The following RGS7BP variants were observed in gnomAD, a reference collection of about 807,000 sequenced individuals.
RGS7BP encodes regulator of G protein signaling 7 binding protein, also known as regulator of G protein signaling 7-binding protein.
A neutral mutation model predicts 31.3 loss-of-function variants in RGS7BP; 9 were observed. The ratio of observed to expected loss-of-function variants is 0.29; its 90% CI spans 0.17 to 0.50. The LOEUF is 0.50. Among genes scored for constraint, RGS7BP ranks in the 20% least tolerant of loss-of-function variants. The pLI, the probability that RGS7BP is intolerant of heterozygous loss-of-function variation, is 0.98. For missense variants in RGS7BP, 274 were observed against 322.0 expected (o/e 0.85, Z 1.14); for synonymous variants, 115 against 120.1 (o/e 0.96, Z 0.28).
intron 5 of RGS7BP, among the ~76,000 whole-genome samples, chr5:64,602,369 G>A (rs1416642910): frequency 6.6e-6 from 1 of 152,214 alleles, no homozygotes; most frequent in African/African-American, 2.4e-5. Context: ...AAGATTCAGT[G>A]TGACGTATGT....
At chr5:64,587,991 A>AGAATT (rs1742803867) in intron 3 of RGS7BP, among the ~76,000 whole-genome samples, 1 of 152,246 alleles carries the variant, frequency 6.6e-6, no homozygotes, top group Admixed American at 6.5e-5. Context: ...ATTTTTAAGG[A>AGAATT]AAACAAACAC....
intron 4 of RGS7BP, among the ~76,000 whole-genome samples, chr5:64,598,079 T>C (rs376164190): frequency 6.6e-6 from 1 of 152,172 alleles, no homozygotes; most frequent in East Asian, 1.9e-4. Context: ...CAATGGCTCT[T>C]CTCTGATCTC....
Position 64,523,075 on chromosome 5 carries a change from G to T in RGS7BP, c.332+15198G>T, listed in dbSNP as rs184690775. Among the ~76,000 whole-genome samples, 45 of 152,296 alleles carry T rather than the reference G, an allele frequency of 3.0e-4. No homozygotes were observed. In the South Asian group the frequency reaches 3.1e-3, roughly 11 times the overall value. On this transcript the variant is annotated intron_variant, in intron 2 of 5. Transcript: ENST00000334025. ...CTATGCTGACTAAGGAGTGGGTACTGCCAGGAGATAAAGGAATGTAGTTGA... is the reference window on the plus strand; with the variant it reads ...CTATGCTGACTAAGGAGTGGGTACTTCCAGGAGATAAAGGAATGTAGTTGA...
intron 2 of RGS7BP, among the ~76,000 whole-genome samples, chr5:64,521,459 G>T (rs1162622305): frequency 6.6e-6 from 1 of 152,056 alleles, no homozygotes; most frequent in African/African-American, 2.4e-5. Context: ...GTTTCACCAT[G>T]TTGGCCAGGC....
At chr5:64,556,417 CCACACACACACACACA>C (rs10624566) in intron 2 of RGS7BP, among the ~76,000 whole-genome samples, 45 of 125,430 alleles carry the variant, frequency 3.6e-4, no homozygotes, top group African/African-American at 9.0e-4. Flanking sequence ...TCTTCCCCAG[CCACACACACACACACA>C]CACACACACA....
intron 2 of RGS7BP, among the ~76,000 whole-genome samples, chr5:64,563,539 CT>C (rs1295877788): frequency 6.6e-6 from 1 of 152,014 alleles, no homozygotes; most frequent in Non-Finnish European, 1.5e-5. Flanking sequence ...TAGGATGATG[CT>C]TTTATAAGCC....
intron 2 of RGS7BP, among the ~76,000 whole-genome samples, chr5:64,554,277 A>G (rs889515100): frequency 2.0e-5 from 3 of 152,142 alleles, no homozygotes; most frequent in Non-Finnish European, 4.4e-5. Context: ...GGCCTGCACT[A>G]TACAACTGTT....
chr5:64,553,937 C>T (rs1741858612), intron 2 of RGS7BP, among the ~76,000 whole-genome samples: 1 of 152,112 alleles, frequency 6.6e-6, no homozygotes, highest in Non-Finnish European at 1.5e-5. Flanking sequence ...ACTATGGCTT[C>T]CCTGAGGGAG....
intron 4 of RGS7BP, 72 bp from the exon 5 acceptor site, chr5:64,598,293 T>C (rs1468762924): frequency 7.0e-6 from 6 of 861,792 alleles, no homozygotes; most frequent in Admixed American, 1.7e-5. Context: ...AGTTGTCTCA[T>C]ATAACAGATT....
At chr5:64,583,718 C>T (rs1317303363) in intron 3 of RGS7BP, among the ~76,000 whole-genome samples, 5 of 152,082 alleles carry the variant, frequency 3.3e-5, no homozygotes, top group African/African-American at 4.8e-5. Context: ...CATGAACATT[C>T]GTATTACCAA....
At chr5:64,581,311 T>C (rs953305232) in intron 3 of RGS7BP, among the ~76,000 whole-genome samples, 1 of 152,236 alleles carries the variant, frequency 6.6e-6, no homozygotes, top group Admixed American at 6.5e-5. Flanking sequence ...TCCCCTCTTC[T>C]TCAGCTTTGC....
chr5:64,602,832 T>C (rs544699202), intron 5 of RGS7BP, among the ~76,000 whole-genome samples: 5 of 152,356 alleles, frequency 3.3e-5, no homozygotes, highest in African/African-American at 1.2e-4. Flanking sequence ...GCCTAGGCTT[T>C]AATTGAAAAT....
chr5:64,528,545 C>T (rs1749288738), intron 2 of RGS7BP, among the ~76,000 whole-genome samples: 1 of 152,152 alleles, frequency 6.6e-6, no homozygotes, highest in South Asian at 2.1e-4. Flanking sequence ...GGTGCAGTGG[C>T]TCAGGCCTGT....
chr5:64,547,787 A>G (rs898745905), intron 2 of RGS7BP, among the ~76,000 whole-genome samples: 10 of 152,162 alleles, frequency 6.6e-5, no homozygotes, highest in South Asian at 2.1e-4. Context: ...TACATTTTGT[A>G]TAAGTAGTAA....
chr5:64,580,754 T>C (rs539896675), intron 3 of RGS7BP, among the ~76,000 whole-genome samples: 7 of 152,302 alleles, frequency 4.6e-5, no homozygotes, highest in Non-Finnish European at 1.0e-4. Context: ...TGGTGTGGCC[T>C]CAGGTTAAGT....
intron 2 of RGS7BP, among the ~76,000 whole-genome samples, chr5:64,548,570 C>T (rs1424469399): frequency 1.3e-5 from 2 of 152,068 alleles, no homozygotes; most frequent in African/African-American, 2.4e-5. Flanking sequence ...AGTGCAGTGG[C>T]GTGATCTCGG....
intron 3 of RGS7BP, among the ~76,000 whole-genome samples, chr5:64,588,526 G>A (rs1742820607): frequency 1.3e-5 from 2 of 152,108 alleles, no homozygotes; most frequent in Non-Finnish European, 2.9e-5. Flanking sequence ...TCCTCACTGT[G>A]GGAATTAGGA....
intron 2 of RGS7BP, among the ~76,000 whole-genome samples, chr5:64,565,302 T>C (rs1742143305): frequency 1.3e-5 from 2 of 149,924 alleles, no homozygotes; most frequent in African/African-American, 5.1e-5. Context: ...ATACATATAT[T>C]ATATGCTGCT....
In RGS7BP at chr5:64,584,994, C is replaced by A. The variant is rs1742704702; in HGVS notation, c.463+9090C>A. Among the ~76,000 whole-genome samples, 3 of 152,080 alleles carry A rather than the reference C, an allele frequency of 2.0e-5. No homozygotes were observed. The South Asian group carries it at 6.2e-4, about 32-fold the overall frequency. ...TACTTTAAAAAACAGCCTATACTTC[C>A]CCAGTCCTTTTCACAGTGCACGGAG... On this transcript the variant is annotated intron_variant, in intron 3 of 5. Transcript: ENST00000334025.
Sources: gnomAD v4.1 joint callset for allele counts (sites outside exome capture counted in the v4.1 genomes callset) on GRCh38, gnomAD v4.1.1 for gene constraint, MANE v1.5 for transcripts, NCBI Gene and HGNC (gene_info 2026-07-23, HGNC 2026-07-21) for gene names.